The following ADGRG7 variants were observed in gnomAD, a reference collection of about 807,000 sequenced individuals.
ADGRG7 encodes G-protein coupled receptor 128.
A neutral mutation model predicts 88.6 loss-of-function variants in ADGRG7; 82 were observed. The observed-to-expected ratio is 0.93, with a 90% confidence interval of 0.77 to 1.11. The LOEUF is 1.11. Among genes scored for constraint, ADGRG7 ranks in the 50% most tolerant of loss-of-function variants. The pLI is 0.00. For missense variants in ADGRG7, 945 were observed against 953.4 expected (o/e 0.99, Z 0.12); for synonymous variants, 381 against 345.2 (o/e 1.10, Z -1.15).
chr3:100,639,897 T>A (rs1707609286), intron 6 of ADGRG7, among the ~76,000 whole-genome samples: 1 of 152,252 alleles, frequency 6.6e-6, no homozygotes, highest in Non-Finnish European at 1.5e-5. Flanking sequence ...AATAAAAATT[T>A]AAGGTATAAG....
chr3:100,612,850 C>T (rs1245773233), intron 1 of ADGRG7, among the ~76,000 whole-genome samples: 1 of 152,110 alleles, frequency 6.6e-6, no homozygotes, highest in African/African-American at 2.4e-5. Context: ...ATTCCCAAAC[C>T]CCAAGGTCTG....
intron 3 of ADGRG7, 62 bp downstream of exon 3, chr3:100,630,871 C>T (rs1218737994): frequency 1.2e-6 from 1 of 868,880 alleles, no homozygotes; most frequent in East Asian, 3.0e-5. Flanking sequence ...TCATACCTCT[C>T]ATACCTCCTA....
In ADGRG7 at chr3:100,645,999, C is replaced by G; in HGVS notation, c.1001C>G (p.Ser334Ter). 1 of 1,613,864 alleles carries G rather than the reference C, an allele frequency of 6.2e-7. No homozygotes were observed. Among genetic ancestry groups the G allele is most frequent in the Non-Finnish European group, 8.5e-7 (1 of 1,179,890 alleles). ...TATCAAAATGACAAGCTTTTCCAAT[C>G]AAAAACTTTTACAGCTAAATCGGAT... ...VVYQNDKLFQ[S>*]KTFTAKSDFS... Residue 334 changes from serine to a stop codon, truncating the protein, a stop_gained, in exon 9 of 16, where the codon TCA becomes TGA. Coordinates refer to ENST00000273352, the MANE Select transcript of ADGRG7 (RefSeq NM_032787.3). LOFTEE classifies it high-confidence loss of function.
Position 100,643,253 on chromosome 3 carries a change from T to G in ADGRG7, c.699-13T>G, listed in dbSNP as rs1341046087. On this transcript the variant is annotated splice_polypyrimidine_tract_variant and intron_variant, in intron 6 of 15. Coordinates refer to ENST00000273352, the MANE Select transcript of ADGRG7 (RefSeq NM_032787.3). ...AAAATCTTGAGTATTAAATTGTGTT[T>G]TATTATATGCAGGCTTATTGAGCAA... 2 of 1,609,590 alleles carry G rather than the reference T, an allele frequency of 1.2e-6. No individual in the cohort carries two copies. The highest frequency in any genetic ancestry group is 1.7e-6 in the Non-Finnish European group (2 of 1,177,882).
chr3:100,644,847 A>G (rs1240804770), intron 8 of ADGRG7, among the ~76,000 whole-genome samples: 3 of 152,118 alleles, frequency 2.0e-5, no homozygotes, highest in Admixed American at 2.0e-4. Flanking sequence ...TTTTATTTTT[A>G]AAGAAAGAAT....
intron 4 of ADGRG7, 25 bp from the exon 5 acceptor site, chr3:100,635,652 G>A (rs755160997): frequency 2.2e-5 from 35 of 1,601,944 alleles, no homozygotes; most frequent in South Asian, 3.4e-5. Flanking sequence ...TAAAGCTAGG[G>A]TTTTTTTTCT....
chr3:100,628,685 AC>A (rs1707416739), intron 1 of ADGRG7, among the ~76,000 whole-genome samples: 1 of 151,936 alleles, frequency 6.6e-6, no homozygotes. Context: ...TAATTTGTTC[AC>A]CTTTCACTCT....
At chr3:100,623,284 AT>A (rs1707338649) in intron 1 of ADGRG7, among the ~76,000 whole-genome samples, 1 of 152,046 alleles carries the variant, frequency 6.6e-6, no homozygotes, top group African/African-American at 2.4e-5. Context: ...TTTGAGGGTG[AT>A]TTTTTTATTC....
Position 100,694,862 on chromosome 3 carries a change from G to T in ADGRG7, c.2255G>T (p.Arg752Leu). The T allele has an allele frequency of 1.2e-6, 2 of 1,614,112 alleles. No individual in the cohort carries two copies. The highest frequency in any genetic ancestry group is 1.7e-6 in the Non-Finnish European group (2 of 1,180,016). Reference protein sequence around the residue: ...GRRKSLPSVTRPRLRVKMYNF... With the variant: ...GRRKSLPSVTLPRLRVKMYNF... ...AGGAAGTCATTGCCTTCAGTGACGC[G>T]GCCGAGGCTGCGTGTAAAGATGTAT... Residue 752 changes from arginine (R) to leucine (L), a missense_variant, in exon 16 of 16, where the codon CGG (arginine) becomes CTG (leucine). Transcript: ENST00000273352.
chr3:100,643,263 C>G lies in ADGRG7; in HGVS notation c.699-3C>G. 6.2e-7 allele frequency: 1 copy of G among 1,611,566 alleles called. No homozygotes were observed. Among genetic ancestry groups the G allele is most frequent in the Admixed American group, 1.7e-5 (1 of 59,688 alleles). ...GTATTAAATTGTGTTTTATTATATGCAGGCTTATTGAGCAAATGGAGACTT... is the reference window on the plus strand; with the variant it reads ...GTATTAAATTGTGTTTTATTATATGGAGGCTTATTGAGCAAATGGAGACTT... On this transcript the variant is annotated splice_region_variant and splice_polypyrimidine_tract_variant and intron_variant, in intron 6 of 15. Coordinates refer to ENST00000273352, the MANE Select transcript of ADGRG7 (RefSeq NM_032787.3).
intron 13 of ADGRG7, among the ~76,000 whole-genome samples, chr3:100,656,424 ACT>A (rs1284341226): frequency 6.6e-6 from 1 of 152,224 alleles, no homozygotes; most frequent in African/African-American, 2.4e-5. Context: ...TATATGTCTC[ACT>A]CATATAAACC....
At chr3:100,636,504 T>A (rs984154183) in intron 5 of ADGRG7, among the ~76,000 whole-genome samples, 1 of 152,184 alleles carries the variant, frequency 6.6e-6, no homozygotes, top group African/African-American at 2.4e-5. Context: ...ATATTCAACA[T>A]TTACTAATTG....
At chr3:100,626,188 A>AATTACT (rs1484043545) in intron 1 of ADGRG7, among the ~76,000 whole-genome samples, 1 of 151,984 alleles carries the variant, frequency 6.6e-6, no homozygotes, top group Non-Finnish European at 1.5e-5. Context: ...TCAATTTCAG[A>AATTACT]GCTCGTTATT....
rs1452157637 is a variant in ADGRG7, at chr3:100,643,381, A to T, written c.814A>T (p.Asn272Tyr). 1.9e-6 allele frequency: 3 copies of T among 1,614,046 alleles called. No homozygotes were observed. Among genetic ancestry groups the T allele is most frequent in the Non-Finnish European group, 2.5e-6 (3 of 1,179,940 alleles). The change falls in exon 7 of 16, where the codon AAT becomes TAT. Residue 272 changes from asparagine to tyrosine, a missense_variant. Asn to Tyr is a moderately radical substitution (Grantham distance 143). Transcript: ENST00000273352. ...TTCAGAAAATGCGGTGGGGCCTTCA[A>T]ATGTTCGCTTCTCTGTGCAGAAAGG... is the stretch of plus-strand genomic sequence containing the variant. ...FSSENAVGPSNVRFSVQKGAS... is the reference protein window; with the variant it reads ...FSSENAVGPSYVRFSVQKGAS...
At chr3:100,621,239 G>A (rs1186062168) in intron 1 of ADGRG7, among the ~76,000 whole-genome samples, 1 of 151,970 alleles carries the variant, frequency 6.6e-6, no homozygotes. Context: ...TTGAGCGAAA[G>A]GAAGAGTTGC....
At chr3:100,646,525 A>G (rs1209300474) in intron 9 of ADGRG7, 44 bp from the exon 10 acceptor site, 2 of 1,513,782 alleles carry the variant, frequency 1.3e-6, no homozygotes, top group East Asian at 2.3e-5. Flanking sequence ...TAACCCAATT[A>G]AGTATTTAGA....
At chr3:100,638,543 G>A (rs544066232) in intron 6 of ADGRG7, among the ~76,000 whole-genome samples, 26 of 152,230 alleles carry the variant, frequency 1.7e-4, no homozygotes, top group African/African-American at 4.6e-4. Flanking sequence ...CATTTGATTC[G>A]TAAAAAGACA....
rs145917476 is a variant in ADGRG7 at position 100,639,341 on chromosome 3, T to C, written c.698+1939T>C. On this transcript the variant is annotated intron_variant, in intron 6 of 15. Coordinates refer to ENST00000273352, the MANE Select transcript of ADGRG7 (RefSeq NM_032787.3). The stretch of plus-strand genomic sequence containing the variant: ...TTTCCTCAGGAGAAATTCCTAGAAG[T>C]AGTTCTTAGTTTTCTAATGATTATG... 2.4e-3 allele frequency among the ~76,000 whole-genome samples: 364 copies of C among 152,242 alleles called. 7 individuals carry two copies. Among genetic ancestry groups the C allele is most frequent in the Non-Finnish European group, 7.8e-4 (53 of 68,020 alleles).
intron 1 of ADGRG7, among the ~76,000 whole-genome samples, chr3:100,619,471 G>A (rs562805648): frequency 9.9e-5 from 15 of 152,138 alleles, no homozygotes; most frequent in Admixed American, 9.2e-4. Flanking sequence ...ATCTAAAATT[G>A]ACACCCTAAC....
Sources: allele counts gnomAD v4.1 joint callset (sites outside exome capture counted in the v4.1 genomes callset), GRCh38; gene constraint gnomAD v4.1.1; transcripts MANE v1.5; gene names NCBI Gene and HGNC (gene_info 2026-07-23, HGNC 2026-07-21).